Variants in GADL1 observed in about 807,000 individuals in gnomAD.
GADL1 encodes GAD like acidic amino acid decarboxylase 1.
GADL1 carries 71 observed loss-of-function variants against 69.5 expected under a neutral mutation model. The observed-to-expected ratio is 1.02, with a 90% confidence interval of 0.84 to 1.25. GADL1 has a LOEUF of 1.25. Ranked by LOEUF, GADL1 falls within the 50% of genes most tolerant of loss-of-function variation. The pLI is 0.00. For synonymous variants in GADL1, 254 were observed against 214.4 expected (o/e 1.18, Z -1.62); for missense variants, 737 against 631.8 (o/e 1.17, Z -1.79).
chr3:30,855,505 A>AT (rs1324651316), intron 3 of GADL1, among the ~76,000 whole-genome samples: 1 of 152,070 alleles, frequency 6.6e-6, no homozygotes, highest in Non-Finnish European at 1.5e-5. Flanking sequence ...ATATAGATGG[A>AT]GTAAGATGTG....
chr3:30,886,086 A>C (rs1026889641), intron 1 of GADL1, among the ~76,000 whole-genome samples: 2 of 152,160 alleles, frequency 1.3e-5, no homozygotes, highest in Non-Finnish European at 2.9e-5. Context: ...AGTTTGCAAA[A>C]CTGCCCCATA....
Position 30,834,249 on chromosome 3 carries a change from C to T in GADL1, c.936G>A (p.Arg312=), listed in dbSNP as rs1374957917. 2.5e-6 allele frequency: 4 copies of T among 1,612,744 alleles called. No homozygotes were observed. Among genetic ancestry groups the T allele is most frequent in the African/African-American group, 1.3e-5 (1 of 74,812 alleles). The change falls in exon 10 of 15, where the codon AGG becomes AGA. Residue 312 remains arginine (R), a synonymous_variant. Transcript: ENST00000282538. ...ASWGGSALMS[R]KHRKLLHGIH... Reference sequence around the variant, plus strand: ...TGCCATGCAGAAGCTTGCGGTGCTTCCTCGACATCAAAGCTGAGCCACCCC... The same window carrying T: ...TGCCATGCAGAAGCTTGCGGTGCTTTCTCGACATCAAAGCTGAGCCACCCC...
chr3:30,885,268 T>C (rs1698688246), intron 1 of GADL1, among the ~76,000 whole-genome samples: 1 of 152,134 alleles, frequency 6.6e-6, no homozygotes, highest in Non-Finnish European at 1.5e-5. Flanking sequence ...TATTTTTTTC[T>C]TCTGTCTTAT....
chr3:30,739,340 T>C (rs1695582899), intron 14 of GADL1, among the ~76,000 whole-genome samples: 1 of 152,082 alleles, frequency 6.6e-6, no homozygotes. Context: ...CCTGTGCCCA[T>C]CCTCCTGTGT....
intron 1 of GADL1, among the ~76,000 whole-genome samples, chr3:30,865,301 ATATAT>A (rs1424641089): frequency 3.0e-5 from 3 of 101,114 alleles, no homozygotes; most frequent in Admixed American, 2.7e-4. Context: ...ATATATATAT[ATATAT>A]TTTTTAATAT....
At chr3:30,796,487 C>A (rs1391216496) in intron 12 of GADL1, among the ~76,000 whole-genome samples, 1 of 152,128 alleles carries the variant, frequency 6.6e-6, no homozygotes, top group African/African-American at 2.4e-5. Flanking sequence ...CATCACATTG[C>A]CCTGGAAACC....
rs145002979 is a variant in GADL1 at position 30,860,201 on chromosome 3, T to C, written c.210+1392A>G. Among the ~76,000 whole-genome samples, 267 of 152,004 alleles carry C rather than the reference T, an allele frequency of 1.8e-3. 1 individual carries two copies. Among genetic ancestry groups the C allele is most frequent in the African/African-American group, 6.1e-3 (253 of 41,520 alleles). On this transcript the variant is annotated intron_variant, in intron 2 of 14. Transcript: ENST00000282538. ...GCTCCTGAGTGAAATCCCAAAAATC[T>C]GTTCCAGTCTCAAAGCATTTATCAC...
chr3:30,737,471 GT>G (rs1293142654), intron 14 of GADL1, among the ~76,000 whole-genome samples: 1 of 152,036 alleles, frequency 6.6e-6, no homozygotes, highest in African/African-American at 2.4e-5. Context: ...GAGCCTCTTA[GT>G]TTTGATTGCT....
intron 12 of GADL1, among the ~76,000 whole-genome samples, chr3:30,788,089 CTCTGAACACTT>C (rs1481608868): frequency 6.6e-6 from 1 of 152,178 alleles, no homozygotes; most frequent in Non-Finnish European, 1.5e-5. Context: ...ATATGCCATT[CTCTGAACACTT>C]TTTCAGAAGA....
chr3:30,808,327 T>A (rs1330960369), intron 11 of GADL1, among the ~76,000 whole-genome samples: 2 of 151,906 alleles, frequency 1.3e-5, no homozygotes, highest in East Asian at 3.9e-4. Context: ...TGAAACCCCA[T>A]CTCTACTAAA....
At chr3:30,838,160 C>T (rs914836566) in intron 9 of GADL1, among the ~76,000 whole-genome samples, 2 of 152,112 alleles carry the variant, frequency 1.3e-5, no homozygotes, top group African/African-American at 2.4e-5. Flanking sequence ...GAAACTATCA[C>T]TTACCAGAGG....
intron 11 of GADL1, among the ~76,000 whole-genome samples, chr3:30,831,047 C>G (rs895102233): frequency 6.6e-6 from 1 of 151,982 alleles, no homozygotes; most frequent in South Asian, 2.1e-4. Flanking sequence ...CTCTTGCCAT[C>G]AACTCTGGCA....
intron 14 of GADL1, among the ~76,000 whole-genome samples, chr3:30,763,514 T>TGGGGGTGGGGGG (rs1696192535): frequency 5.8e-5 from 1 of 17,152 alleles, no homozygotes; most frequent in African/African-American, 2.3e-4. Flanking sequence ...CGGCGGGGGG[T>TGGGGGTGGGGGG]GGGGGTGGGG....
chr3:30,894,400 A>G (rs747938476), intron 1 of GADL1, among the ~76,000 whole-genome samples, 178 bp downstream of exon 1: 5 of 152,264 alleles, frequency 3.3e-5, no homozygotes, highest in Non-Finnish European at 7.3e-5. Flanking sequence ...GATTCTAAAT[A>G]ATAACCTTTT....
Position 30,778,268 on chromosome 3 carries a change from G to T in GADL1, c.1303C>A (p.Pro435Thr), listed in dbSNP as rs752816795. Residue 435 changes from proline to threonine, a missense_variant and splice_region_variant, in exon 14 of 15, where the codon CCT becomes ACT. Physicochemically the swap from Pro to Thr is conservative, Grantham distance 38 (BLOSUM62 -1). Coordinates refer to ENST00000282538, the MANE Select transcript of GADL1 (RefSeq NM_207359.3). ...CAAAAGCAAATATTGGCATATTCAGGCTGAGAATTAGAAAAAATATAAAGT... is the reference window on the plus strand; with the variant it reads ...CAAAAGCAAATATTGGCATATTCAGTCTGAGAATTAGAAAAAATATAAAGT... ...KREGFKLLME[P>T]EYANICFWYI... 5.7e-6 allele frequency: 9 copies of T among 1,588,760 alleles called. No homozygotes were observed. The highest frequency in any genetic ancestry group is 2.2e-5 in the South Asian group (2 of 89,876).
At chr3:30,884,928 C>T (rs1698684160) in intron 1 of GADL1, among the ~76,000 whole-genome samples, 1 of 151,938 alleles carries the variant, frequency 6.6e-6, no homozygotes, top group Non-Finnish European at 1.5e-5. Context: ...CGTATGGGGG[C>T]AGTGAACTGA....
chr3:30,819,642 CAGG>C (rs1697535983), intron 11 of GADL1, among the ~76,000 whole-genome samples: 1 of 151,834 alleles, frequency 6.6e-6, no homozygotes, highest in African/African-American at 2.4e-5. Context: ...AAACATAAAT[CAGG>C]AGAAAATGAA....
At position 30,840,159 on chromosome 3, in the gene GADL1, G is replaced by A. The variant is rs540180226; in HGVS notation, c.787-1046C>T. Among the ~76,000 whole-genome samples, 4 of 152,082 alleles carry A rather than the reference G, an allele frequency of 2.6e-5. No homozygotes were observed. The East Asian group carries it at 7.7e-4, about 29-fold the overall frequency. ...AGCATGGAGCCATTTTTTCCCCTCA[G>A]TTTTATAAAGTGCATGCTCATTGCA... On this transcript the variant is annotated intron_variant, in intron 8 of 14. Transcript: ENST00000282538.
chr3:30,886,244 G>A (rs1459086039), intron 1 of GADL1, among the ~76,000 whole-genome samples: 2 of 152,032 alleles, frequency 1.3e-5, no homozygotes, highest in Non-Finnish European at 2.9e-5. Flanking sequence ...ATGACTTCAT[G>A]CTTTTTTCTG....
Sources: allele counts gnomAD v4.1 joint callset (sites outside exome capture counted in the v4.1 genomes callset), GRCh38; gene constraint gnomAD v4.1.1; transcripts MANE v1.5; gene names NCBI Gene and HGNC (gene_info 2026-07-23, HGNC 2026-07-21).